Variants in SLC22A24 observed in about 807,000 individuals in gnomAD.
The protein encoded by SLC22A24 is solute carrier family 22 member 24.
Under a neutral mutation model 49.8 loss-of-function variants are expected in SLC22A24, and 53 were observed. The ratio of observed to expected loss-of-function variants is 1.06; its 90% confidence interval spans 0.85 to 1.34. The LOEUF is 1.34. SLC22A24 is among the 40% of genes most tolerant of loss of function. The probability of loss-of-function intolerance (pLI) is 0.00; values close to 1 mark genes in which losing one functional copy is unlikely to be tolerated. For synonymous variants in SLC22A24, 302 were observed against 256.4 expected (o/e 1.18, Z -1.70); for missense variants, 786 against 675.9 (o/e 1.16, Z -1.81).
chr11:63,116,063 C>A, intron 4 of SLC22A24: 1 of 347,966 alleles, frequency 2.9e-6, no homozygotes, highest in South Asian at 6.6e-5. Flanking sequence ...GTCAATCGAG[C>A]TTGTTGCTGA....
Position 63,104,671 on chromosome 11 carries a change from A to C in SLC22A24, c.831-373T>G, listed in dbSNP as rs187595823. ...CCTGGTGGCAGGCAAGAGAAGCAAA[A>C]GGGAAGCCCTTATAAAATCATCAGA... is the stretch of plus-strand genomic sequence containing the variant. On this transcript the variant is annotated intron_variant, in intron 4 of 9. Transcript: ENST00000612278. 1.5e-3 allele frequency among the ~76,000 whole-genome samples: 225 copies of C among 152,256 alleles called. 1 individual carries two copies. The highest frequency in any genetic ancestry group is 5.2e-3 in the African/African-American group (214 of 41,550).
At chr11:63,116,290 G>A in intron 4 of SLC22A24, 1 of 255,830 alleles carries the variant, frequency 3.9e-6, no homozygotes, top group Non-Finnish European at 7.7e-6. Flanking sequence ...CCATTTCTGT[G>A]CCATTTTTCG....
intron 4 of SLC22A24, among the ~76,000 whole-genome samples, chr11:63,112,109 C>T (rs945033680): frequency 1.3e-5 from 2 of 151,892 alleles, no homozygotes; most frequent in African/African-American, 2.4e-5. Flanking sequence ...CGTTATGTAC[C>T]CAGTAGTCAT....
At chr11:63,123,259 A>G (rs1433172236) in intron 2 of SLC22A24, among the ~76,000 whole-genome samples, 7 of 152,198 alleles carry the variant, frequency 4.6e-5, no homozygotes, top group Non-Finnish European at 1.5e-5. Flanking sequence ...AACCTGAAAA[A>G]GAAAGAAGTC....
intron 2 of SLC22A24, among the ~76,000 whole-genome samples, chr11:63,121,695 A>T (rs145858918): frequency 0.026 from 3,949 of 152,028 alleles, 143 homozygotes; most frequent in African/African-American, 0.089. Flanking sequence ...TGTGCAGGTT[A>T]GTTACATATG....
At chr11:63,121,692 G>T (rs1308357185) in intron 2 of SLC22A24, among the ~76,000 whole-genome samples, 1 of 151,656 alleles carries the variant, frequency 6.6e-6, no homozygotes, top group Admixed American at 6.6e-5. Context: ...CAATGTGCAG[G>T]TTAGTTACAT....
intron 6 of SLC22A24, among the ~76,000 whole-genome samples, chr11:63,092,367 C>T (rs2087025397): frequency 7.2e-6 from 1 of 138,186 alleles, no homozygotes. Flanking sequence ...CATGAAGCTA[C>T]TAGTGACTTT....
At position 63,081,130 on chromosome 11, in the gene SLC22A24, G is replaced by T; in HGVS notation, c.1395-7C>A. 1 of 1,550,434 alleles carries T rather than the reference G, an allele frequency of 6.4e-7. No individual in the cohort carries two copies. The highest frequency in any genetic ancestry group is 1.2e-5 in the South Asian group (1 of 84,038). On this transcript the variant is annotated splice_polypyrimidine_tract_variant and splice_region_variant and intron_variant, in intron 8 of 9. Coordinates refer to ENST00000612278, the MANE Select transcript of SLC22A24 (RefSeq NM_001136506.2). ...GATTCCTGCAACTGTTGACCTTAGA[G>T]TGCAAATAACAATACAAAAAATCTT...
At chr11:63,084,937 GA>G (rs1334018075) in intron 6 of SLC22A24, among the ~76,000 whole-genome samples, 1 of 118,650 alleles carries the variant, frequency 8.4e-6, no homozygotes, top group African/African-American at 2.8e-5. Context: ...GAGAGGATGG[GA>G]TTTTTTTTTT....
intron 2 of SLC22A24, among the ~76,000 whole-genome samples, chr11:63,132,359 G>A (rs957523515): frequency 6.6e-6 from 1 of 152,096 alleles, no homozygotes; most frequent in Non-Finnish European, 1.5e-5. Flanking sequence ...AGGAGAAGAG[G>A]CACTCTGGTT....
At chr11:63,129,700 G>T (rs1386983809) in intron 2 of SLC22A24, among the ~76,000 whole-genome samples, 2 of 152,126 alleles carry the variant, frequency 1.3e-5, no homozygotes, top group African/African-American at 2.4e-5. Context: ...CACATCCCTT[G>T]TAAGTTGGAT....
At chr11:63,091,949 A>C (rs1203561038) in intron 6 of SLC22A24, among the ~76,000 whole-genome samples, 1 of 152,188 alleles carries the variant, frequency 6.6e-6, no homozygotes, top group African/African-American at 2.4e-5. Context: ...TTAAATAGAG[A>C]GGAAGTCAAA....
intron 6 of SLC22A24, among the ~76,000 whole-genome samples, chr11:63,087,127 A>G (rs575314651): frequency 6.6e-6 from 1 of 151,720 alleles, no homozygotes; most frequent in South Asian, 2.1e-4. Flanking sequence ...AAATAAGAGT[A>G]GAAATCAGGG....
Position 63,134,671 on chromosome 11 carries a change from GA to G in SLC22A24, c.499del (p.Ser167GlnfsTer45). The G allele has an allele frequency of 6.5e-7, 1 of 1,533,488 alleles. No individual in the cohort carries two copies. Among genetic ancestry groups the G allele is most frequent in the Non-Finnish European group, 8.9e-7 (1 of 1,129,538 alleles). 95.0% of individuals were successfully genotyped at this position (1,533,488 alleles called of 1,614,324 possible). ...LLGGLIYGHLSDRVGRKIICK... is the reference protein window; with the variant it reads ...LLGGLIYGHLXDRVGRKIICK... ...AAAGTGAGATGACACTCACCTGTCT[GA>G]AAGATGGCCATATATTAGACCTCCC... On this transcript the variant is annotated frameshift_variant, in exon 2 of 10. Transcript: ENST00000612278. LOFTEE classifies it high-confidence loss of function.
At chr11:63,094,790 T>G (rs1323529270) in intron 6 of SLC22A24, among the ~76,000 whole-genome samples, 2 of 152,274 alleles carry the variant, frequency 1.3e-5, no homozygotes, top group Non-Finnish European at 2.9e-5. Flanking sequence ...TTTTGAGAAG[T>G]GTCTGTTCAT....
intron 6 of SLC22A24, among the ~76,000 whole-genome samples, chr11:63,094,145 C>G (rs2087037956): frequency 8.3e-6 from 1 of 120,976 alleles, no homozygotes. Flanking sequence ...TCCCCCCTCC[C>G]CCGACCCCAC....
chr11:63,080,027 CAAGATT>C, intron 9 of SLC22A24, 27 bp from the exon 10 acceptor site: 1 of 1,435,578 alleles, frequency 7.0e-7, no homozygotes, highest in Non-Finnish European at 9.6e-7. Context: ...CAAACAAAAA[CAAGATT>C]AAGAAACAAA....
rs1300962241 is a variant in SLC22A24, at chr11:63,143,669, C to T, written c.111G>A (p.Leu37=). The part of the protein sequence containing the change: ...TNILLFPNIV[L]ENFTAFTPSH... ...TAGGGGTGAATGCAGTGAAGTTCTCCAACACAATATTAGGGAACAGTAGGA... is the reference window on the plus strand; with the variant it reads ...TAGGGGTGAATGCAGTGAAGTTCTCTAACACAATATTAGGGAACAGTAGGA... Residue 37 remains leucine, a synonymous_variant, in exon 1 of 10, where the codon TTG becomes TTA. Coordinates refer to ENST00000612278, the MANE Select transcript of SLC22A24 (RefSeq NM_001136506.2). 1 of 1,596,238 alleles carries T rather than the reference C, an allele frequency of 6.3e-7. No individual in the cohort carries two copies. Among genetic ancestry groups the T allele is most frequent in the Non-Finnish European group, 8.5e-7 (1 of 1,171,954 alleles).
In SLC22A24 at chr11:63,122,465, A is replaced by T. The variant is rs188390660; in HGVS notation, c.507-3130T>A. Among the ~76,000 whole-genome samples the T allele has an allele frequency of 5.2e-3, 799 of 152,284 alleles. 2 individuals carry two copies. Among genetic ancestry groups the T allele is most frequent in the Non-Finnish European group, 7.6e-3 (520 of 68,016 alleles). On this transcript the variant is annotated intron_variant, in intron 2 of 9. Coordinates refer to ENST00000612278, the MANE Select transcript of SLC22A24 (RefSeq NM_001136506.2). ...TGACTAATGTGTTAGGGCTAAGATG[A>T]AGCTGGTGTTTGATGAAGATAAACA...
Sources: gnomAD v4.1 joint callset for allele counts (sites outside exome capture counted in the v4.1 genomes callset) on GRCh38, gnomAD v4.1.1 for gene constraint, MANE v1.5 for transcripts, NCBI Gene and HGNC (gene_info 2026-07-23, HGNC 2026-07-21) for gene names.